The following RIN3 variants were observed in gnomAD, a reference collection of about 807,000 sequenced individuals.
RIN3 encodes the protein Ras and Rab interactor 3.
Under a neutral mutation model 76.3 loss-of-function variants are expected in RIN3, and 54 were observed. The observed-to-expected ratio is 0.71, with a 90% CI of 0.57 to 0.89. The LOEUF (loss-of-function observed/expected upper bound fraction) is 0.89, where lower values mean the gene tolerates loss of function less well. Among genes scored for constraint, RIN3 ranks in the 40% least tolerant of loss-of-function variants. The probability of loss-of-function intolerance (pLI) is 0.00; values close to 1 mark genes in which losing one functional copy is unlikely to be tolerated. For synonymous variants in RIN3, 576 were observed against 564.0 expected, an observed-to-expected ratio of 1.02 and a Z score of -0.30; for missense variants, 1,256 against 1,322.1, an observed-to-expected ratio of 0.95 and a Z score of 0.78.
chr14:92,539,975 C>T (rs923601803), intron 1 of RIN3, among the ~76,000 whole-genome samples: 1 of 152,156 alleles, frequency 6.6e-6, no homozygotes, highest in African/African-American at 2.4e-5. Context: ...CCGGCACCAC[C>T]AGGCCTCCAC....
Position 92,539,892 on chromosome 14 carries a change from G to A in RIN3, c.45-15859G>A, listed in dbSNP as rs943663. ...GAGCCTTCAACCACAGTGGCTGAGC[G>A]GGGGCCTGGGGTGGGTCTGGCGTGG... On this transcript the variant is annotated intron_variant, in intron 1 of 9. Coordinates refer to ENST00000216487, the MANE Select transcript of RIN3 (RefSeq NM_024832.5). 4.0e-5 allele frequency among the ~76,000 whole-genome samples: 6 copies of A among 151,878 alleles called. No individual in the cohort carries two copies. In the East Asian group the frequency reaches 1.2e-3, roughly 29 times the overall value.
Position 92,688,339 on chromosome 14 carries a change from G to A in RIN3, c.*87G>A. The stretch of plus-strand genomic sequence containing the variant: ...CACTCCCGACCGCGACGTCCACGCA[G>A]CAGAGGGACATGGGCCATTCCATGA... On this transcript the variant is annotated 3_prime_UTR_variant, in exon 10 of 10. Coordinates refer to ENST00000216487, the MANE Select transcript of RIN3 (RefSeq NM_024832.5). The A allele has an allele frequency of 7.8e-7, 1 of 1,280,436 alleles. No homozygotes were observed. Among genetic ancestry groups the A allele is most frequent in the Non-Finnish European group, 1.0e-6 (1 of 954,660 alleles). 79.3% of individuals were successfully genotyped at this position (1,280,436 alleles called of 1,614,324 possible).
intron 1 of RIN3, among the ~76,000 whole-genome samples, chr14:92,523,605 A>G (rs12885205): frequency 0.73 from 111,482 of 152,202 alleles, 41,092 homozygotes; most frequent in African/African-American, 0.82. Flanking sequence ...GGGGAGAGAG[A>G]AGAGGCAGCT....
At position 92,555,819 on chromosome 14, in the gene RIN3, C is replaced by A; in HGVS notation, c.113C>A (p.Ala38Asp). 1 of 1,614,140 alleles carries A rather than the reference C, an allele frequency of 6.2e-7. No individual in the cohort carries two copies. The highest frequency in any genetic ancestry group is 1.1e-5 in the South Asian group (1 of 91,080). The change falls in exon 2 of 10, where the codon GCC (alanine) becomes GAC (aspartate). Residue 38 changes from alanine to aspartate, a missense_variant. Coordinates refer to ENST00000216487, the MANE Select transcript of RIN3 (RefSeq NM_024832.5). ...GATGGCATGCGGCTTTGTCTGCCAG[C>A]CAACCCGAAAAACTGCCTTCCTCAC... ...EEDGMRLCLP[A>D]NPKNCLPHRR... is the part of the protein sequence containing the mutation.
chr14:92,570,216 A>C (rs1283348897), intron 2 of RIN3, among the ~76,000 whole-genome samples: 1 of 152,074 alleles, frequency 6.6e-6, no homozygotes, highest in Admixed American at 6.5e-5. Flanking sequence ...CCAGGGGTCA[A>C]AGTTTGCCTT....
At chr14:92,628,014 G>A (rs1886420464) in intron 4 of RIN3, among the ~76,000 whole-genome samples, 1 of 152,162 alleles carries the variant, frequency 6.6e-6, no homozygotes, top group Non-Finnish European at 1.5e-5. Flanking sequence ...GTGGGCTGGG[G>A]TCGGACCACA....
chr14:92,634,615 C>T (rs1886711125), intron 4 of RIN3, among the ~76,000 whole-genome samples: 1 of 151,972 alleles, frequency 6.6e-6, no homozygotes, highest in African/African-American at 2.4e-5. Context: ...CCTGTAATCC[C>T]AGCACTTTGG....
At chr14:92,665,480 G>C (rs118102366) in intron 7 of RIN3, among the ~76,000 whole-genome samples, 2 of 144,780 alleles carry the variant, frequency 1.4e-5, no homozygotes, top group African/African-American at 5.2e-5. Flanking sequence ...CCGGGGTCAC[G>C]TTATTCTCTT....
intron 2 of RIN3, among the ~76,000 whole-genome samples, chr14:92,571,285 G>A (rs1898056385): frequency 6.6e-6 from 1 of 152,146 alleles, no homozygotes; most frequent in Admixed American, 6.5e-5. Flanking sequence ...ATTAAATTCT[G>A]TGAAATTAAT....
At chr14:92,536,771 C>T (rs945096917) in intron 1 of RIN3, among the ~76,000 whole-genome samples, 8 of 150,610 alleles carry the variant, frequency 5.3e-5, no homozygotes, top group East Asian at 1.9e-4. Context: ...AAGAAACTGC[C>T]GGGGTTCATA....
At chr14:92,607,744 A>G (rs1197899171) in intron 3 of RIN3, among the ~76,000 whole-genome samples, 1 of 152,262 alleles carries the variant, frequency 6.6e-6, no homozygotes, top group Non-Finnish European at 1.5e-5. Context: ...AGTTTCATGC[A>G]TAGTAACTAA....
chr14:92,652,402 G>C lies in RIN3; in HGVS notation c.1353G>C (p.Arg451Ser), dbSNP rs757802317. The stretch of plus-strand genomic sequence containing the variant: ...CTCACAGCATGCCAGAGCTGCCCAG[G>C]ACAGCCAAACAACCCCCAGTCCCGC... ...SDPHSMPELP[R>S]TAKQPPVPPP... is the part of the protein sequence containing the mutation. The change falls in exon 6 of 10, where the codon AGG becomes AGC. Residue 451 changes from arginine (R) to serine (S), a missense_variant. Physicochemically the swap from Arg to Ser is moderately radical, Grantham distance 110 (BLOSUM62 -1). Around this residue, in one of 3 missense-constraint regions of RIN3, gnomAD observed 610 missense variants for 626.4 expected, o/e 0.97. Transcript: ENST00000216487. This position sits in a 1 kb window ranked among gnomAD's most constrained non-coding sequence, Gnocchi z 6.4. 19 of 1,612,840 alleles carry C rather than the reference G, an allele frequency of 1.2e-5. No homozygotes were observed. Among genetic ancestry groups the C allele is most frequent in the Non-Finnish European group, 1.2e-5 (14 of 1,179,534 alleles).
At chr14:92,536,510 G>A (rs892228194) in intron 1 of RIN3, among the ~76,000 whole-genome samples, 3 of 152,062 alleles carry the variant, frequency 2.0e-5, no homozygotes, top group Admixed American at 6.6e-5. Context: ...TTGGGAGGCC[G>A]AGTTGGGCAG....
chr14:92,558,687 G>A (rs768337552), intron 2 of RIN3, among the ~76,000 whole-genome samples: 2 of 152,154 alleles, frequency 1.3e-5, no homozygotes, highest in Non-Finnish European at 2.9e-5. Flanking sequence ...AGTTACTCTT[G>A]GGGGCAGCTG....
rs184395666 is a variant in RIN3, at chr14:92,661,537, A to T, written c.2335+2068A>T. ...TCAGGAGTTTGAGACCAGCCTGGCC[A>T]ACATGGTGAAACCCCATCTCTACTA... On this transcript the variant is annotated intron_variant, in intron 7 of 9. Coordinates refer to ENST00000216487, the MANE Select transcript of RIN3 (RefSeq NM_024832.5). 5.0e-3 allele frequency among the ~76,000 whole-genome samples: 758 copies of T among 152,300 alleles called. 8 individuals carry two copies. The highest frequency in any genetic ancestry group is 0.017 in the African/African-American group (701 of 41,552).
intron 1 of RIN3, among the ~76,000 whole-genome samples, chr14:92,523,287 T>G (rs921232936): frequency 6.6e-5 from 10 of 152,156 alleles, no homozygotes; most frequent in Admixed American, 1.3e-4. Flanking sequence ...GTTTTTGTAT[T>G]TTTAGTAGAG....
At position 92,661,648 on chromosome 14, in the gene RIN3, CG is replaced by C. The variant is rs547731141; in HGVS notation, c.2335+2182del. 1.7e-4 allele frequency among the ~76,000 whole-genome samples: 26 copies of C among 151,676 alleles called. 1 individual carries two copies. The East Asian group carries it at 4.1e-3, about 24-fold the overall frequency. ...CTGGAGCAGGAGAATCACTTGAACCCGGGAGGCAGACGTTGCAGTGAGCCAA... is the reference window on the plus strand; with the variant it reads ...CTGGAGCAGGAGAATCACTTGAACCCGGAGGCAGACGTTGCAGTGAGCCAA... On this transcript the variant is annotated intron_variant, in intron 7 of 9. Transcript: ENST00000216487.
At chr14:92,674,238 G>T (rs925904500) in intron 7 of RIN3, among the ~76,000 whole-genome samples, 4 of 152,158 alleles carry the variant, frequency 2.6e-5, no homozygotes, top group African/African-American at 9.7e-5. Flanking sequence ...CCCAGGTCTG[G>T]GGTTGGAGAC....
In RIN3 at chr14:92,685,067, A is replaced by T; in HGVS notation, c.2548A>T (p.Ser850Cys). Residue 850 changes from serine (S) to cysteine (C), a missense_variant, in exon 9 of 10, where the codon AGT (serine) becomes TGT (cysteine). This residue lies in a region of RIN3 where 428 missense variants were observed against 521.2 expected (regional missense o/e 0.82). Transcript: ENST00000216487. The surrounding 1 kb of genome is among the most constrained non-coding windows in gnomAD (Gnocchi z 4.7). ...YDKITVTRQLSVEVQDSIHRW... is the reference protein window; with the variant it reads ...YDKITVTRQLCVEVQDSIHRW... ...CAAGATCACGGTGACCCGGCAGCTGAGTGTGGAGGTGCAGGACTCCATCCA... is the reference window on the plus strand; with the variant it reads ...CAAGATCACGGTGACCCGGCAGCTGTGTGTGGAGGTGCAGGACTCCATCCA... 1.2e-6 allele frequency: 2 copies of T among 1,613,958 alleles called. No homozygotes were observed. The highest frequency in any genetic ancestry group is 2.2e-5 in the South Asian group (2 of 91,090).
Sources: gnomAD v4.1 joint callset for allele counts (sites outside exome capture counted in the v4.1 genomes callset) on GRCh38, gnomAD v4.1.1 for gene constraint, gnomAD v4.1.1 regional missense constraint, Gnocchi (gnomAD v3.1) non-coding constraint, MANE v1.5 for transcripts, NCBI Gene and HGNC (gene_info 2026-07-23, HGNC 2026-07-21) for gene names.